The following RYR3 variants were observed in gnomAD, a reference collection of about 807,000 sequenced individuals.
RYR3 encodes ryanodine receptor 3.
In RYR3, 207 loss-of-function variants were observed where a neutral mutation model predicts 584.3. The observed-to-expected ratio is 0.35, with a 90% CI of 0.32 to 0.40. RYR3 has a LOEUF of 0.40. Among genes scored for constraint, RYR3 ranks in the 10% least tolerant of loss-of-function variants. The pLI is 1.00. For missense variants in RYR3, 5,616 were observed against 6,089.2 expected (o/e 0.92, Z 2.59); for synonymous variants, 2,416 against 2,248.5 (o/e 1.07, Z -2.11).
chr15:33,679,026 T>G (rs1056800029), intron 38 of RYR3, among the ~76,000 whole-genome samples: 16 of 152,150 alleles, frequency 1.1e-4, no homozygotes, highest in African/African-American at 3.9e-4. Context: ...TTGAAGTCCA[T>G]GGATTTAACT....
At chr15:33,844,003 C>G (rs1345213016) in intron 92 of RYR3, among the ~76,000 whole-genome samples, 1 of 152,176 alleles carries the variant, frequency 6.6e-6, no homozygotes, top group East Asian at 1.9e-4. Context: ...GAGGGGACTG[C>G]TCAAGTTAAA....
chr15:33,829,152 T>G (rs2077530004), intron 85 of RYR3, among the ~76,000 whole-genome samples: 1 of 150,510 alleles, frequency 6.6e-6, no homozygotes, highest in African/African-American at 2.5e-5. Context: ...AGCCCACTGT[T>G]GACACCAACT....
intron 10 of RYR3, among the ~76,000 whole-genome samples, chr15:33,551,570 G>A (rs1377431471): frequency 3.3e-5 from 5 of 151,976 alleles, no homozygotes; most frequent in Non-Finnish European, 1.5e-5. Context: ...CTTTAATATT[G>A]CCCTATATCA....
intron 43 of RYR3, among the ~76,000 whole-genome samples, chr15:33,714,293 T>C (rs1162531863): frequency 6.6e-6 from 1 of 152,202 alleles, no homozygotes; most frequent in East Asian, 1.9e-4. Context: ...TTTTAATATA[T>C]CAAAATAATG....
At chr15:33,338,105 C>T (rs1488137616) in intron 1 of RYR3, among the ~76,000 whole-genome samples, 2 of 151,994 alleles carry the variant, frequency 1.3e-5, no homozygotes, top group Non-Finnish European at 2.9e-5. Context: ...CCACCACGCC[C>T]GGCTAAGTTT....
chr15:33,722,927 T>TA, intron 44 of RYR3, 32 bp downstream of exon 44: 1 of 1,523,456 alleles, frequency 6.6e-7, no homozygotes, highest in Non-Finnish European at 8.8e-7. Flanking sequence ...CCGGCACAGA[T>TA]ACGGTTGGTG....
chr15:33,730,615 A>G (rs776610491), intron 47 of RYR3, among the ~76,000 whole-genome samples: 15 of 152,326 alleles, frequency 9.8e-5, no homozygotes, highest in Non-Finnish European at 1.9e-4. Flanking sequence ...TTACAGATAG[A>G]ATGACTGCAG....
chr15:33,855,560 T>C (rs2079564929), intron 98 of RYR3, among the ~76,000 whole-genome samples: 1 of 151,898 alleles, frequency 6.6e-6, no homozygotes, highest in Non-Finnish European at 1.5e-5. Flanking sequence ...TCCCTGGGGG[T>C]TAGCAAGTAG....
intron 57 of RYR3, among the ~76,000 whole-genome samples, chr15:33,752,091 C>A (rs1319715156): frequency 6.6e-6 from 1 of 152,154 alleles, no homozygotes; most frequent in Non-Finnish European, 1.5e-5. Flanking sequence ...CGGTCTATAT[C>A]TCTGTTTTGG....
At chr15:33,785,579 A>G in intron 65 of RYR3, 83 bp from the exon 66 acceptor site, 2 of 1,153,778 alleles carry the variant, frequency 1.7e-6, no homozygotes, top group East Asian at 2.6e-5. Flanking sequence ...CCTAAAGACC[A>G]AAGGAAAGGA....
At chr15:33,670,382 C>T in intron 37 of RYR3, 37 bp from the exon 38 acceptor site, 1 of 1,608,324 alleles carries the variant, frequency 6.2e-7, no homozygotes, top group Non-Finnish European at 8.5e-7. Flanking sequence ...GTTTCATGCA[C>T]TGCTTTGGAT....
rs2572186 is a variant in RYR3, at chr15:33,476,688, G to T, written c.171+3150G>T. 4.6e-5 allele frequency among the ~76,000 whole-genome samples: 7 copies of T among 152,108 alleles called. No individual in the cohort carries two copies. The East Asian group carries it at 1.4e-3, about 29-fold the overall frequency. On this transcript the variant is annotated intron_variant, in intron 2 of 103. Coordinates refer to ENST00000634891, the MANE Select transcript of RYR3 (RefSeq NM_001036.6). Reference sequence around the variant, plus strand: ...ATCCAGGAGTAGAATTAATGGTGTCGGAAGCATGAACACTATTAAACTGCT... The same window carrying T: ...ATCCAGGAGTAGAATTAATGGTGTCTGAAGCATGAACACTATTAAACTGCT...
At chr15:33,388,087 G>A (rs1042110796) in intron 1 of RYR3, among the ~76,000 whole-genome samples, 2 of 152,142 alleles carry the variant, frequency 1.3e-5, no homozygotes, top group Non-Finnish European at 2.9e-5. Context: ...CTGGGATAAA[G>A]AGAAACATTT....
In RYR3 at chr15:33,613,373, C is replaced by G; in HGVS notation, c.2355C>G (p.Val785=). The stretch of plus-strand genomic sequence containing the variant: ...CTGTGATGAGCTTTTCAGCAGGTGT[C>G]AAGTAAGTTATGGCTGTGATTTCAT... The part of the protein sequence containing the change: ...FFPVMSFSAG[V]KVRFLMGGRH... The change falls in exon 19 of 104, where the codon GTC becomes GTG. Residue 785 remains valine, a splice_region_variant and synonymous_variant. Transcript: ENST00000634891. 1 of 1,595,236 alleles carries G rather than the reference C, an allele frequency of 6.3e-7. No individual in the cohort carries two copies. The highest frequency in any genetic ancestry group is 1.1e-5 in the South Asian group (1 of 87,504).
chr15:33,752,838 G>C lies in RYR3; in HGVS notation c.8400-2227G>C, dbSNP rs557162256. Among the ~76,000 whole-genome samples, 18 of 149,866 alleles carry C rather than the reference G, an allele frequency of 1.2e-4. No individual in the cohort carries two copies. In the East Asian group the frequency reaches 3.1e-3, roughly 26 times the overall value. On this transcript the variant is annotated intron_variant, in intron 57 of 103. Transcript: ENST00000634891. ...TTCAAAGGGAATGCTTCCCGTTTCT[G>C]CCCATTGGCTGTGGGTTTATCATAA...
At chr15:33,532,465 C>G (rs1252921537) in intron 4 of RYR3, among the ~76,000 whole-genome samples, 6 of 152,068 alleles carry the variant, frequency 3.9e-5, no homozygotes, top group Non-Finnish European at 4.4e-5. Context: ...TTGTGTAATT[C>G]CTTTTAGTCT....
At chr15:33,839,745 TCAAGA>T (rs1274241410) in intron 89 of RYR3, 1 of 152,174 alleles carries the variant, frequency 6.6e-6, no homozygotes, top group Admixed American at 6.5e-5. Flanking sequence ...ATTGGACAAG[TCAAGA>T]CAAGTATAAA....
At chr15:33,671,770 T>C (rs543038191) in intron 38 of RYR3, among the ~76,000 whole-genome samples, 4 of 152,056 alleles carry the variant, frequency 2.6e-5, no homozygotes, top group African/African-American at 9.6e-5. Context: ...GAGAGTCTCT[T>C]TTGAAAGTGG....
At position 33,789,986 on chromosome 15, in the gene RYR3, C is replaced by CTTTTTTTTTTTTTTTTTTTTTTTTT. The variant is rs757370991; in HGVS notation, c.9830+1551_9830+1552insTTTTTTTTTTTTTTTTTTTTTTTTT. Among the ~76,000 whole-genome samples the CTTTTTTTTTTTTTTTTTTTTTTTTT allele has an allele frequency of 1.7e-4, 9 of 53,256 alleles. 2 individuals are homozygous for CTTTTTTTTTTTTTTTTTTTTTTTTT. Among genetic ancestry groups the CTTTTTTTTTTTTTTTTTTTTTTTTT allele is most frequent in the African/African-American group, 9.5e-4 (9 of 9,428 alleles). 34.9% of individuals were successfully genotyped at this position (53,256 alleles called of 152,430 possible). On this transcript the variant is annotated intron_variant, in intron 67 of 103. Coordinates refer to ENST00000634891, the MANE Select transcript of RYR3 (RefSeq NM_001036.6). Reference sequence around the variant, plus strand: ...GGCGTGAGCCACCACGCCTGGCCTTCTTTTTTTTTTTTTTTTTTTTTTTGA... The same window carrying CTTTTTTTTTTTTTTTTTTTTTTTTT: ...GGCGTGAGCCACCACGCCTGGCCTTCTTTTTTTTTTTTTTTTTTTTTTTTTTTTTTTTTTTTTTTTTTTTTTTTGA...
Sources: gnomAD v4.1 joint callset for allele counts (sites outside exome capture counted in the v4.1 genomes callset) on GRCh38, gnomAD v4.1.1 for gene constraint, MANE v1.5 for transcripts, NCBI Gene and HGNC (gene_info 2026-07-23, HGNC 2026-07-21) for gene names.